MEF2C: variants seen among roughly 807,000 people sequenced by gnomAD.
MEF2C encodes the protein myocyte-specific enhancer factor 2C.
MEF2C carries 6 observed loss-of-function variants against 50.5 expected under a neutral mutation model. The observed-to-expected ratio is 0.12, with a 90% CI of 0.07 to 0.23. MEF2C has a LOEUF of 0.23. Ranked by LOEUF, MEF2C falls within the 10% of genes least tolerant of loss-of-function variation. MEF2C has a pLI of 1.00. For synonymous variants in MEF2C, 183 were observed against 228.0 expected (o/e 0.80, Z 1.78); for missense variants, 276 against 605.0 (o/e 0.46, Z 5.70).
intron 6 of MEF2C, chr5:88,733,077 G>A (rs1335920263): frequency 2.0e-6 from 2 of 985,104 alleles, no homozygotes; most frequent in Admixed American, 6.2e-5. Context: ...ATACAAGGCA[G>A]CGTAGGGTGA....
chr5:88,879,688 A>G (rs923717381), intron 1 of MEF2C, among the ~76,000 whole-genome samples: 2 of 152,106 alleles, frequency 1.3e-5, no homozygotes, highest in African/African-American at 4.8e-5. Flanking sequence ...AAATGATGGA[A>G]CTTAAAATTT....
intron 1 of MEF2C, among the ~76,000 whole-genome samples, chr5:88,848,951 G>C (rs1820290717): frequency 6.6e-6 from 1 of 151,964 alleles, no homozygotes; most frequent in South Asian, 2.1e-4. Flanking sequence ...AGGAGTTCGA[G>C]ACCAGCCTGA....
chr5:88,878,492 C>A (rs917536809), intron 1 of MEF2C, among the ~76,000 whole-genome samples: 3 of 151,982 alleles, frequency 2.0e-5, no homozygotes, highest in African/African-American at 7.2e-5. Context: ...AAACTCACAC[C>A]AAAGTTGGCA....
At chr5:88,831,194 T>TA (rs1267302914) in intron 1 of MEF2C, among the ~76,000 whole-genome samples, 3 of 152,120 alleles carry the variant, frequency 2.0e-5, no homozygotes, top group African/African-American at 7.2e-5. Flanking sequence ...ATTTCAGTCT[T>TA]ACTGATACAT....
intron 1 of MEF2C, among the ~76,000 whole-genome samples, chr5:88,896,419 A>G (rs1245347867): frequency 6.6e-6 from 1 of 152,260 alleles, no homozygotes; most frequent in Non-Finnish European, 1.5e-5. Flanking sequence ...GGGTTTAAGA[A>G]CTCTTTGAAG....
chr5:88,833,999 T>C (rs1043422554), intron 1 of MEF2C, among the ~76,000 whole-genome samples: 8 of 152,148 alleles, frequency 5.3e-5, no homozygotes, highest in Admixed American at 3.3e-4. Context: ...TTTGTAGTTA[T>C]AGCATTCCTC....
chr5:88,744,966 A>C (rs1386263077), intron 6 of MEF2C, among the ~76,000 whole-genome samples: 1 of 152,252 alleles, frequency 6.6e-6, no homozygotes, highest in African/African-American at 2.4e-5. Context: ...CATTTAATCA[A>C]ATGGTTAATT....
At chr5:88,732,973 C>G in intron 6 of MEF2C, 1 of 527,368 alleles carries the variant, frequency 1.9e-6, no homozygotes, top group Non-Finnish European at 2.4e-6. Flanking sequence ...TGTGTGCTAC[C>G]CAGTGAGGAT....
Position 88,722,357 on chromosome 5 carries a change from C to T in MEF2C, c.*247G>A, listed in dbSNP as rs962543792. On this transcript the variant is annotated 3_prime_UTR_variant, in exon 11 of 11. Transcript: ENST00000504921. Reference sequence around the variant, plus strand: ...GAGCACAACAGTGAAAAGAAGTTAGCCTTAAAATCTATTTTGTACAAGTGT... The same window carrying T: ...GAGCACAACAGTGAAAAGAAGTTAGTCTTAAAATCTATTTTGTACAAGTGT... The T allele has an allele frequency of 2.4e-6, 1 of 423,410 alleles. No homozygotes were observed. Among genetic ancestry groups the T allele is most frequent in the Admixed American group, 3.9e-5 (1 of 25,738 alleles). The allele number at this position is 423,410 out of a possible 1,614,324, so 26.2% of individuals were successfully genotyped here. A position where few individuals can be genotyped will look rare whatever the true frequency, so the allele number is the denominator to read the frequency against.
intron 1 of MEF2C, among the ~76,000 whole-genome samples, chr5:88,850,616 C>T (rs1289449901): frequency 1.3e-5 from 2 of 152,080 alleles, no homozygotes; most frequent in Non-Finnish European, 2.9e-5. Flanking sequence ...TTCACTTCAA[C>T]ATGGAGCAGT....
chr5:88,868,696 C>T (rs549045300), intron 1 of MEF2C, among the ~76,000 whole-genome samples: 82 of 152,176 alleles, frequency 5.4e-4, no homozygotes, highest in Non-Finnish European at 8.7e-4. Context: ...ACATTCTTAT[C>T]AGTTCACCAC....
intron 1 of MEF2C, chr5:88,877,920 AT>A (rs1831568933): frequency 6.6e-6 from 1 of 151,952 alleles, no homozygotes; most frequent in South Asian, 2.1e-4. Flanking sequence ...TTTCTTTCTC[AT>A]GCTGCTATTC....
chr5:88,884,172 C>G (rs549380100), upstream of MEF2C, among the ~76,000 whole-genome samples: 1 of 152,220 alleles, frequency 6.6e-6, no homozygotes, highest in Non-Finnish European at 1.5e-5. Context: ...GGGGACGCTG[C>G]GAGCCAGCCA....
chr5:88,817,911 T>C (rs1017024553), intron 2 of MEF2C: 4 of 151,958 alleles, frequency 2.6e-5, no homozygotes, highest in Non-Finnish European at 5.9e-5. Context: ...TTCTTCCTAA[T>C]ATAACAGATT....
chr5:88,749,490 T>C (rs1771582406), intron 5 of MEF2C: 1 of 984,924 alleles, frequency 1.0e-6, no homozygotes, highest in Non-Finnish European at 1.2e-6. Flanking sequence ...GTTTAGTTCT[T>C]TGTAAATATG....
intron 6 of MEF2C, chr5:88,733,105 C>T: frequency 1.0e-6 from 1 of 985,158 alleles, no homozygotes; most frequent in Non-Finnish European, 1.2e-6. Context: ...GCAGAGTAAT[C>T]CAGATTAAGT....
At chr5:88,837,640 A>G (rs1281380070) in intron 1 of MEF2C, among the ~76,000 whole-genome samples, 2 of 152,198 alleles carry the variant, frequency 1.3e-5, no homozygotes, top group Non-Finnish European at 2.9e-5. Flanking sequence ...AAAACAAAAC[A>G]AAACAAAACA....
chr5:88,841,779 A>C (rs546356762), intron 1 of MEF2C, among the ~76,000 whole-genome samples: 13 of 152,336 alleles, frequency 8.5e-5, no homozygotes, highest in Middle Eastern at 3.4e-3. Context: ...ACTATGTTCA[A>C]GGCACTATTC....
At chr5:88,763,657 T>A (rs1292022842) in intron 3 of MEF2C, among the ~76,000 whole-genome samples, 1 of 140,942 alleles carries the variant, frequency 7.1e-6, no homozygotes, top group Admixed American at 7.1e-5. Context: ...TCTTTCTTTC[T>A]TTTTTTTTTT....
Sources: gnomAD v4.1 joint callset for allele counts (sites outside exome capture counted in the v4.1 genomes callset) on GRCh38, gnomAD v4.1.1 for gene constraint, MANE v1.5 for transcripts, NCBI Gene and HGNC (gene_info 2026-07-23, HGNC 2026-07-21) for gene names.